Variants in NRSN1 observed in about 807,000 individuals in gnomAD.
NRSN1 encodes the protein neurensin 1.
A neutral mutation model predicts 17.3 loss-of-function variants in NRSN1; 14 were observed. The observed-to-expected ratio is 0.81, with a 90% CI of 0.54 to 1.27. NRSN1 has a LOEUF of 1.27. Among genes scored for constraint, NRSN1 ranks in the 50% most tolerant of loss-of-function variants. The probability of loss-of-function intolerance (pLI) is 0.00; values close to 1 mark genes in which losing one functional copy is unlikely to be tolerated. For synonymous variants in NRSN1, 79 were observed against 94.2 expected (o/e 0.84, Z 0.93); for missense variants, 209 against 235.9 (o/e 0.89, Z 0.75).
chr6:24,143,885 G>A (rs1405508071), intron 3 of NRSN1, among the ~76,000 whole-genome samples: 2 of 152,174 alleles, frequency 1.3e-5, no homozygotes, highest in African/African-American at 4.8e-5. Flanking sequence ...ATGAGCATTT[G>A]TCATTTTATA....
rs1760291343 is a variant in NRSN1, at chr6:24,145,646, C to T, written c.288C>T (p.Ala96=). The change falls in exon 4 of 4, where the codon GCC becomes GCT. Residue 96 remains alanine (A), a synonymous_variant. Coordinates refer to ENST00000378491, the MANE Select transcript of NRSN1 (RefSeq NM_080723.5). This position sits in a 1 kb window ranked among gnomAD's most constrained non-coding sequence, Gnocchi z 4.4. The stretch of plus-strand genomic sequence containing the variant: ...CCAAAATCGAAGCATTTGGCGAAGC[C>T]GATTTTGTGGTGGTCGACACACATG... ...VPPKIEAFGE[A]DFVVVDTHAV... 5.6e-6 allele frequency: 9 copies of T among 1,614,016 alleles called. No individual in the cohort carries two copies. The highest frequency in any genetic ancestry group is 1.7e-4 in the Middle Eastern group (1 of 6,060).
At chr6:24,141,014 T>C (rs1452324603) in intron 3 of NRSN1, 6 of 1,471,962 alleles carry the variant, frequency 4.1e-6, no homozygotes, top group Non-Finnish European at 5.4e-6. Flanking sequence ...TTTCGGGAGT[T>C]TGTCACCACC....
At chr6:24,133,753 T>C (rs1016513180) in intron 2 of NRSN1, among the ~76,000 whole-genome samples, 1 of 152,256 alleles carries the variant, frequency 6.6e-6, no homozygotes, top group Non-Finnish European at 1.5e-5. Context: ...TTTATGGAGA[T>C]GCAGTTCTAG....
At chr6:24,131,211 T>G (rs372378745) in intron 2 of NRSN1, among the ~76,000 whole-genome samples, 1 of 152,234 alleles carries the variant, frequency 6.6e-6, no homozygotes, top group East Asian at 1.9e-4. Context: ...TGACCTATAT[T>G]GTTTTTAACA....
intron 2 of NRSN1, 27 bp from the exon 3 acceptor site, chr6:24,134,292 T>G (rs756083641): frequency 1.3e-5 from 21 of 1,596,744 alleles, no homozygotes; most frequent in Non-Finnish European, 1.8e-5. Context: ...CCTGTGGCAT[T>G]AATCCATGTG....
At chr6:24,142,692 G>T (rs1760229224) in intron 3 of NRSN1, among the ~76,000 whole-genome samples, 1 of 152,092 alleles carries the variant, frequency 6.6e-6, no homozygotes. Context: ...TCCAGAAGTG[G>T]TTCCTCCCGG....
chr6:24,128,757 T>C (rs542324307), intron 2 of NRSN1: 4 of 152,184 alleles, frequency 2.6e-5, no homozygotes, highest in Admixed American at 6.6e-5. Flanking sequence ...GGAACCTCAG[T>C]CTCATTATCT....
chr6:24,138,541 C>G (rs1378249634), intron 3 of NRSN1, among the ~76,000 whole-genome samples: 4 of 152,218 alleles, frequency 2.6e-5, no homozygotes, highest in Non-Finnish European at 5.9e-5. Flanking sequence ...CTCGACCTCT[C>G]TCAGAAACCT....
At chr6:24,139,950 G>A (rs1277546148) in intron 3 of NRSN1, among the ~76,000 whole-genome samples, 3 of 152,106 alleles carry the variant, frequency 2.0e-5, no homozygotes, top group South Asian at 2.1e-4. Flanking sequence ...GTAGAATCCT[G>A]GGGAATACTA....
rs542550696 is a variant in NRSN1, at chr6:24,146,470, T to C, written c.*524T>C. The C allele has an allele frequency of 1.1e-4, 38 of 351,018 alleles. No homozygotes were observed. Among genetic ancestry groups the C allele is most frequent in the Non-Finnish European group, 1.8e-4 (32 of 177,220 alleles). The allele number at this position is 351,018 out of a possible 1,614,324, so 21.7% of individuals were successfully genotyped here. On this transcript the variant is annotated 3_prime_UTR_variant, in exon 4 of 4. Transcript: ENST00000378491. ...TATCTTGACATGAGGTTCCTGACAT[T>C]GGATACAAAGTTATCAGCATTCACA...
intron 3 of NRSN1, among the ~76,000 whole-genome samples, chr6:24,136,912 G>C (rs1748458503): frequency 6.6e-6 from 1 of 152,156 alleles, no homozygotes; most frequent in South Asian, 2.1e-4. Context: ...CTCTATCAAG[G>C]GATAAACCAA....
intron 2 of NRSN1, among the ~76,000 whole-genome samples, chr6:24,133,594 G>A (rs1160577802): frequency 6.6e-6 from 1 of 152,172 alleles, no homozygotes; most frequent in Non-Finnish European, 1.5e-5. Context: ...TCTTTAACAT[G>A]TAAGTGCAAA....
intron 1 of NRSN1, among the ~76,000 whole-genome samples, chr6:24,127,849 T>G (rs892262436): frequency 2.6e-5 from 4 of 152,204 alleles, no homozygotes; most frequent in African/African-American, 9.6e-5. Context: ...AATATGGTTA[T>G]GTAAAAATGA....
rs566717854 is a variant in NRSN1, at chr6:24,132,099, G to A, written c.-9-2220G>A. Among the ~76,000 whole-genome samples the A allele has an allele frequency of 3.4e-4, 52 of 152,212 alleles. 1 individual carries two copies. In the South Asian group the frequency reaches 9.7e-3, roughly 29 times the overall value. On this transcript the variant is annotated intron_variant, in intron 2 of 3. Coordinates refer to ENST00000378491, the MANE Select transcript of NRSN1 (RefSeq NM_080723.5). Reference sequence around the variant, plus strand: ...AATTGACCAACAGCTAAAAAGATGAGGTTATTGGTCATCATTAATAGCACC... The same window carrying A: ...AATTGACCAACAGCTAAAAAGATGAAGTTATTGGTCATCATTAATAGCACC...
At position 24,141,044 on chromosome 6, in the gene NRSN1, C is replaced by A. The variant is rs530778041; in HGVS notation, c.190-4504C>A. ...ACCACCTGGAGAGGCCCTTCTCTGTCGCCATTGGGATTGGCCTTACCACCC... is the reference window on the plus strand; with the variant it reads ...ACCACCTGGAGAGGCCCTTCTCTGTAGCCATTGGGATTGGCCTTACCACCC... On this transcript the variant is annotated intron_variant, in intron 3 of 3. Coordinates refer to ENST00000378491, the MANE Select transcript of NRSN1 (RefSeq NM_080723.5). 12 of 1,473,338 alleles carry A rather than the reference C, an allele frequency of 8.1e-6. No individual in the cohort carries two copies. In the African/African-American group the frequency reaches 8.6e-5, roughly 11 times the overall value. 91.3% of individuals were successfully genotyped at this position (1,473,338 alleles called of 1,614,324 possible). A position where few individuals can be genotyped will look rare whatever the true frequency, so the allele number is the denominator to read the frequency against.
At chr6:24,138,011 C>T (rs965300488) in intron 3 of NRSN1, among the ~76,000 whole-genome samples, 1 of 152,104 alleles carries the variant, frequency 6.6e-6, no homozygotes, top group Non-Finnish European at 1.5e-5. Context: ...GAAGAGGAGT[C>T]AGGAGTTGAA....
chr6:24,140,039 T>C (rs974225877), intron 3 of NRSN1, among the ~76,000 whole-genome samples: 3 of 152,222 alleles, frequency 2.0e-5, no homozygotes, highest in African/African-American at 7.2e-5. Flanking sequence ...AAACAGTGTG[T>C]CAGAGATAAC....
chr6:24,145,572 T>C lies in NRSN1; in HGVS notation c.214T>C (p.Phe72Leu). Residue 72 changes from phenylalanine to leucine, a missense_variant, in exon 4 of 4, where the codon TTT becomes CTT. Transcript: ENST00000378491. The surrounding 1 kb of genome is among the most constrained non-coding windows in gnomAD (Gnocchi z 4.4). ...GGTTGGACTCATCTCAGGTACAGTT[T>C]TTGTGATCCTCGGATTGACTGTTCT... ...WKVGLISGTV[F>L]VILGLTVLAV... is the part of the protein sequence containing the mutation. The C allele has an allele frequency of 1.3e-6, 2 of 1,599,444 alleles. No individual in the cohort carries two copies. The highest frequency in any genetic ancestry group is 1.7e-6 in the Non-Finnish European group (2 of 1,171,288).
At chr6:24,130,926 CAG>C (rs1383274176) in intron 2 of NRSN1, among the ~76,000 whole-genome samples, 1 of 152,154 alleles carries the variant, frequency 6.6e-6, no homozygotes. Context: ...AACCATAGCC[CAG>C]AGAGACTAAT....
Sources: allele counts gnomAD v4.1 joint callset (sites outside exome capture counted in the v4.1 genomes callset), GRCh38; gene constraint gnomAD v4.1.1; non-coding constraint Gnocchi (gnomAD v3.1); transcripts MANE v1.5; gene names NCBI Gene and HGNC (gene_info 2026-07-23, HGNC 2026-07-21).